Variants in AVEN observed in about 807,000 individuals in gnomAD.
AVEN encodes cell death regulator Aven.
Under a neutral mutation model 38.1 loss-of-function variants are expected in AVEN, and 41 were observed. That is an observed-to-expected ratio of 1.08 (90% confidence interval 0.84 to 1.40). AVEN has a LOEUF of 1.40. Ranked by LOEUF, AVEN falls within the 40% of genes most tolerant of loss-of-function variation. The pLI, the probability that AVEN is intolerant of heterozygous loss-of-function variation, is 0.00. For synonymous variants in AVEN, 206 were observed against 171.8 expected (o/e 1.20, Z -1.56); for missense variants, 605 against 438.8 (o/e 1.38, Z -3.38).
In AVEN at chr15:33,866,425, T is replaced by C. The variant is rs567589286; in HGVS notation, c.*188A>G. 5 of 585,868 alleles carry C rather than the reference T, an allele frequency of 8.5e-6. No individual in the cohort carries two copies. Among genetic ancestry groups the C allele is most frequent in the South Asian group, 6.6e-5 (3 of 45,340 alleles). 36.3% of individuals were successfully genotyped at this position (585,868 alleles called of 1,614,324 possible). On this transcript the variant is annotated 3_prime_UTR_variant, in exon 6 of 6. Transcript: ENST00000306730. ...TAGATTACTAAGCCAGAAAAACAAA[T>C]GCAACAAGCTGCTTCAATGTATTCT...
At chr15:34,073,551 G>A (rs1413317352) in intron 1 of AVEN, among the ~76,000 whole-genome samples, 35 of 111,478 alleles carry the variant, frequency 3.1e-4, no homozygotes, top group Middle Eastern at 9.3e-3. Flanking sequence ...ACGGAGTTTC[G>A]CTCTTGTTGC....
At chr15:34,009,079 A>G (rs1262252389) in intron 1 of AVEN, among the ~76,000 whole-genome samples, 1 of 152,220 alleles carries the variant, frequency 6.6e-6, no homozygotes, top group Non-Finnish European at 1.5e-5. Context: ...AATCAACGGA[A>G]GCCAGAAGGC....
Position 33,933,522 on chromosome 15 carries a change from CACAG to C in AVEN, c.446-57531_446-57528del, listed in dbSNP as rs1893942338. Among the ~76,000 whole-genome samples, 20 of 53,240 alleles carry C rather than the reference CACAG, an allele frequency of 3.8e-4. 1 individual carries two copies. Among genetic ancestry groups the C allele is most frequent in the Admixed American group, 1.9e-3 (8 of 4,182 alleles). The allele number at this position is 53,240 out of a possible 152,430, so 34.9% of individuals were successfully genotyped here. On this transcript the variant is annotated intron_variant, in intron 2 of 5. Transcript: ENST00000306730. ...ACACACACACACACACACACACACA[CACAG>C]AGAGAGAGAGAGAGAGAGAGAGAGA...
Position 33,997,822 on chromosome 15 carries a change from C to T in AVEN, c.445+5210G>A, listed in dbSNP as rs139719163. On this transcript the variant is annotated intron_variant, in intron 2 of 5. Transcript: ENST00000306730. The stretch of plus-strand genomic sequence containing the variant: ...CATGATTAAGTCCTACCCTTCCGTC[C>T]GGTCTTTCTGGGCCTGCACCCATAC... Among the ~76,000 whole-genome samples, 911 of 152,260 alleles carry T rather than the reference C, an allele frequency of 6.0e-3. 12 individuals carry two copies. In the South Asian group the frequency reaches 0.063, roughly 11 times the overall value.
At chr15:33,895,619 C>T (rs1174451140) in intron 2 of AVEN, among the ~76,000 whole-genome samples, 3 of 152,110 alleles carry the variant, frequency 2.0e-5, no homozygotes, top group Non-Finnish European at 4.4e-5. Flanking sequence ...GCCACCACAC[C>T]CAGCCCAGTC....
Position 33,867,501 on chromosome 15 carries a change from C to T in AVEN, c.967G>A (p.Glu323Lys), listed in dbSNP as rs776787283. Residue 323 changes from glutamate (E) to lysine (K), a missense_variant, in exon 5 of 6, where the codon GAA becomes AAA. Transcript: ENST00000306730. ...AATAAAATGAAAGCCATACCTTCTT[C>T]CTCTTGGACCACCTCCCCATCTTCC... is the stretch of plus-strand genomic sequence containing the variant. ...SKEDGEVVQE[E>K]EVCAKPSVTE... 44 of 1,568,320 alleles carry T rather than the reference C, an allele frequency of 2.8e-5. 1 individual carries two copies. The South Asian group carries it at 2.9e-4, about 10-fold the overall frequency.
intron 2 of AVEN, among the ~76,000 whole-genome samples, chr15:33,896,727 T>C (rs1011794295): frequency 2.6e-5 from 4 of 152,196 alleles, no homozygotes; most frequent in African/African-American, 9.7e-5. Flanking sequence ...CATTCATCCT[T>C]GAGTCTCAAG....
chr15:33,992,367 G>A (rs916208728), intron 2 of AVEN, among the ~76,000 whole-genome samples: 8 of 151,734 alleles, frequency 5.3e-5, no homozygotes, highest in African/African-American at 1.7e-4. Context: ...TCCAGCCTGC[G>A]CGACAGATCA....
chr15:34,049,889 T>TTA (rs1491496114), intron 5 of AVEN, among the ~76,000 whole-genome samples: 1 of 15,264 alleles, frequency 6.6e-5, no homozygotes, highest in Non-Finnish European at 2.5e-4. Flanking sequence ...CAACATCAAC[T>TTA]TTTTTTTTTT....
chr15:33,853,477 A>T, the AVEN span: 2 of 1,526,374 alleles, frequency 1.3e-6, no homozygotes, highest in Admixed American at 2.0e-5. Context: ...AGGGCAGCAA[A>T]GCTCTGAAGA....
intron 2 of AVEN, among the ~76,000 whole-genome samples, chr15:33,959,313 C>G (rs1567433933): frequency 6.6e-6 from 1 of 152,092 alleles, no homozygotes; most frequent in Non-Finnish European, 1.5e-5. Flanking sequence ...TCTTCAAGGA[C>G]CTGAATGTGC....
Position 34,063,544 on chromosome 15 carries a change from G to T in AVEN, n.1127-112C>A. ...CAGGCCTCCTGGTCATCCTCCCGCA[G>T]GAGCACCTCCACCACTGGGAAGCCA... On this transcript the variant is annotated intron_variant and non_coding_transcript_variant, in intron 4 of 11. Transcript: ENST00000675287. This position sits in a 1 kb window ranked among gnomAD's most constrained non-coding sequence, Gnocchi z 4.1. 6.2e-7 allele frequency: 1 copy of T among 1,613,630 alleles called. No homozygotes were observed. Among genetic ancestry groups the T allele is most frequent in the Middle Eastern group, 1.6e-4 (1 of 6,062 alleles).
At chr15:33,925,606 A>C (rs77572379) in intron 2 of AVEN, among the ~76,000 whole-genome samples, 1 of 152,144 alleles carries the variant, frequency 6.6e-6, no homozygotes, top group Non-Finnish European at 1.5e-5. Context: ...ACTTAAAAGT[A>C]ATTCCTGCCC....
chr15:33,957,492 G>A (rs763416708), intron 2 of AVEN, among the ~76,000 whole-genome samples: 6 of 152,058 alleles, frequency 3.9e-5, no homozygotes, highest in African/African-American at 9.7e-5. Context: ...CTACTCCTAC[G>A]TATTTACCCA....
chr15:33,996,086 C>T (rs556194835), intron 2 of AVEN, among the ~76,000 whole-genome samples: 1 of 152,364 alleles, frequency 6.6e-6, no homozygotes, highest in South Asian at 2.1e-4. Flanking sequence ...GCTAGCGCAG[C>T]AGTCTGAGAT....
At chr15:33,891,929 T>G (rs9796542) in intron 2 of AVEN, among the ~76,000 whole-genome samples, 124,696 of 152,168 alleles carry the variant, frequency 0.82, 55,187 homozygotes, top group Non-Finnish European at 0.98. Flanking sequence ...ATTCTAACTG[T>G]CATGAGATGG....
At chr15:34,031,168 A>ATTTTTTTTTTTTTTTT (rs34414446) in intron 1 of AVEN, among the ~76,000 whole-genome samples, 4 of 67,598 alleles carry the variant, frequency 5.9e-5, no homozygotes, top group Middle Eastern at 0.018. Flanking sequence ...GCTTAGGTTA[A>ATTTTTTTTTTTTTTTT]TTTTTTTTTT....
intron 2 of AVEN, among the ~76,000 whole-genome samples, chr15:33,961,954 T>C (rs931500015): frequency 2.0e-5 from 3 of 152,088 alleles, no homozygotes; most frequent in African/African-American, 7.2e-5. Flanking sequence ...CATAGATGAT[T>C]TTAAAGAAAT....
Position 33,925,981 on chromosome 15 carries a change from AT to A in AVEN, c.446-49987del, listed in dbSNP as rs199823059. Reference sequence around the variant, plus strand: ...TCCGCAAATGAAGGTATTGGGCGATATCCTTGAAGCAACCATGTATGTGCTG... The same window carrying A: ...TCCGCAAATGAAGGTATTGGGCGATACCTTGAAGCAACCATGTATGTGCTG... On this transcript the variant is annotated intron_variant, in intron 2 of 5. Transcript: ENST00000306730. Among the ~76,000 whole-genome samples, 804 of 152,296 alleles carry A rather than the reference AT, an allele frequency of 5.3e-3. 8 individuals carry two copies. Among genetic ancestry groups the A allele is most frequent in the East Asian group, 0.02 (106 of 5,184 alleles).
Sources: gnomAD v4.1 joint callset for allele counts (sites outside exome capture counted in the v4.1 genomes callset) on GRCh38, gnomAD v4.1.1 for gene constraint, Gnocchi (gnomAD v3.1) non-coding constraint, MANE v1.5 for transcripts, NCBI Gene and HGNC (gene_info 2026-07-23, HGNC 2026-07-21) for gene names.